TTC6: variants seen among roughly 807,000 people sequenced by gnomAD.
The protein encoded by TTC6 is tetratricopeptide repeat protein 6.
A neutral mutation model predicts 210.4 loss-of-function variants in TTC6; 172 were observed. The ratio of observed to expected loss-of-function variants is 0.82; its 90% CI spans 0.72 to 0.93. The LOEUF (loss-of-function observed/expected upper bound fraction) is 0.93. Ranked by LOEUF, TTC6 falls within the 40% of genes least tolerant of loss-of-function variation. The pLI is 0.00. For missense variants in TTC6, 2,414 were observed against 2,318.1 expected (o/e 1.04, Z -0.85); for synonymous variants, 804 against 819.6 (o/e 0.98, Z 0.32).
chr14:37,803,303 GTTA>G (rs35913423), intron 20 of TTC6, among the ~76,000 whole-genome samples: 1,888 of 152,098 alleles, frequency 0.012, 29 homozygotes, highest in African/African-American at 0.043. Flanking sequence ...TATTTCTGTG[GTTA>G]TTATCCTGGT....
chr14:37,787,425 G>A (rs930332999), intron 14 of TTC6, 43 bp from the exon 17 acceptor site: 6 of 1,303,352 alleles, frequency 4.6e-6, no homozygotes, highest in South Asian at 3.7e-5. Flanking sequence ...AAGAGAAAAT[G>A]TATACTTTAC....
At chr14:37,782,658 C>G (rs934585169) in intron 14 of TTC6, among the ~76,000 whole-genome samples, 3 of 152,124 alleles carry the variant, frequency 2.0e-5, no homozygotes, top group Admixed American at 6.5e-5. Flanking sequence ...GAACTTCCAA[C>G]ACTATGTTGA....
chr14:37,802,943 G>A (rs2096110265), intron 20 of TTC6, among the ~76,000 whole-genome samples: 1 of 152,010 alleles, frequency 6.6e-6, no homozygotes, highest in South Asian at 2.1e-4. Context: ...ATGTTGGCCA[G>A]GCTGGTCTTG....
intron 1 of TTC6, among the ~76,000 whole-genome samples, chr14:37,666,411 G>A (rs1305321706): frequency 7.0e-6 from 1 of 143,638 alleles, no homozygotes; most frequent in Non-Finnish European, 1.5e-5. Flanking sequence ...CCAGAAATTT[G>A]AGACCAGCCT....
chr14:37,818,951 C>G (rs2096149031), intron 26 of TTC6, among the ~76,000 whole-genome samples: 1 of 152,132 alleles, frequency 6.6e-6, no homozygotes, highest in Non-Finnish European at 1.5e-5. Context: ...TACTCTCTAC[C>G]TCACTCCTAT....
intron 17 of TTC6, among the ~76,000 whole-genome samples, chr14:37,793,093 C>T (rs1321992593): frequency 6.6e-6 from 1 of 152,124 alleles, no homozygotes; most frequent in Non-Finnish European, 1.5e-5. Flanking sequence ...TCTAACTGCC[C>T]TGTCCAAATA....
At chr14:37,756,480 G>A (rs1018988688) in intron 14 of TTC6, among the ~76,000 whole-genome samples, 2 of 152,100 alleles carry the variant, frequency 1.3e-5, no homozygotes, top group Non-Finnish European at 2.9e-5. Flanking sequence ...TATATATTAT[G>A]GGTTTGTCAT....
chr14:37,649,481 A>G (rs2095707390), intron 1 of TTC6, among the ~76,000 whole-genome samples: 1 of 152,162 alleles, frequency 6.6e-6, no homozygotes, highest in Admixed American at 6.5e-5. Flanking sequence ...AATTCAATTC[A>G]TTTCTAACTG....
chr14:37,601,359 C>G (rs1055691452), intron 1 of TTC6, among the ~76,000 whole-genome samples: 14 of 152,154 alleles, frequency 9.2e-5, no homozygotes, highest in African/African-American at 3.4e-4. Context: ...TCTCCTGCTG[C>G]CAGAGCAAAG....
intron 14 of TTC6, among the ~76,000 whole-genome samples, chr14:37,769,213 A>T (rs1483227321): frequency 1.3e-5 from 2 of 151,874 alleles, no homozygotes; most frequent in Admixed American, 1.3e-4. Context: ...CCAGTATTTT[A>T]TTGAGGATTT....
At chr14:37,697,652 AG>A (rs2095817351) in intron 4 of TTC6, among the ~76,000 whole-genome samples, 1 of 152,182 alleles carries the variant, frequency 6.6e-6, no homozygotes, top group Non-Finnish European at 1.5e-5. Context: ...TCATGGGAAA[AG>A]AATTCCAAAG....
intron 7 of TTC6, among the ~76,000 whole-genome samples, chr14:37,726,071 TC>T (rs1212340212): frequency 6.6e-6 from 1 of 152,056 alleles, no homozygotes; most frequent in Non-Finnish European, 1.5e-5. Context: ...TTCTTCCTCC[TC>T]CTCTTTTCTG....
chr14:37,783,775 T>G (rs1413433311), intron 14 of TTC6, among the ~76,000 whole-genome samples: 1 of 152,206 alleles, frequency 6.6e-6, no homozygotes, highest in East Asian at 1.9e-4. Context: ...TTTAGTGCTA[T>G]AAATTTCCCT....
intron 1 of TTC6, among the ~76,000 whole-genome samples, chr14:37,632,979 A>G (rs2095672925): frequency 6.6e-6 from 1 of 152,094 alleles, no homozygotes; most frequent in African/African-American, 2.4e-5. Flanking sequence ...ACCCCCACCA[A>G]CCTTGAGTGT....
chr14:37,738,450 C>A (rs1281122581), intron 9 of TTC6, among the ~76,000 whole-genome samples: 1 of 151,746 alleles, frequency 6.6e-6, no homozygotes, highest in Non-Finnish European at 1.5e-5. Flanking sequence ...TATAAAAGTA[C>A]AGCATATAAT....
chr14:37,771,118 G>A (rs2096016934), intron 14 of TTC6, among the ~76,000 whole-genome samples: 1 of 151,474 alleles, frequency 6.6e-6, no homozygotes, highest in Non-Finnish European at 1.5e-5. Flanking sequence ...CTTTAAGAAT[G>A]TTGAATATTG....
intron 1 of TTC6, among the ~76,000 whole-genome samples, chr14:37,677,619 A>G (rs1399621932): frequency 6.6e-6 from 1 of 151,860 alleles, no homozygotes; most frequent in East Asian, 1.9e-4. Context: ...TATTTGGAAA[A>G]TTTTTGGCCA....
exon 1 of TTC6, chr14:37,622,145 G>C: frequency 6.5e-7 from 1 of 1,535,538 alleles, no homozygotes; most frequent in South Asian, 1.2e-5. Flanking sequence ...AAGTTCGGCA[G>C]GAAACTAAAA....
chr14:37,602,080 C>G (rs574099367), intron 1 of TTC6, among the ~76,000 whole-genome samples: 2 of 152,322 alleles, frequency 1.3e-5, no homozygotes, highest in East Asian at 3.9e-4. Flanking sequence ...CGGCTTAGAG[C>G]GCGCTGAGTG....
Sources: gnomAD v4.1 joint callset for allele counts (sites outside exome capture counted in the v4.1 genomes callset) on GRCh38, gnomAD v4.1.1 for gene constraint, MANE v1.5 for transcripts, NCBI Gene and HGNC (gene_info 2026-07-23, HGNC 2026-07-21) for gene names.